The following GABRA3 variants were observed in gnomAD, a reference collection of about 807,000 sequenced individuals.
GABRA3 encodes the protein gamma-aminobutyric acid receptor subunit alpha-3.
A neutral mutation model predicts 30.1 loss-of-function variants in GABRA3; 10 were observed. The observed-to-expected ratio is 0.33, with a 90% CI of 0.20 to 0.56. The LOEUF (loss-of-function observed/expected upper bound fraction) is 0.56. Among genes scored for constraint, GABRA3 ranks in the 20% least tolerant of loss-of-function variants. The pLI is 0.89. For missense variants in GABRA3, 233 were observed against 392.0 expected, an observed-to-expected ratio of 0.59 and a Z score of 3.42; for synonymous variants, 151 against 146.8, an observed-to-expected ratio of 1.03 and a Z score of -0.21.
chrX:152,308,279 C>T (rs1298195824), intron 3 of GABRA3, among the ~76,000 whole-genome samples: 1 of 112,960 alleles, frequency 8.9e-6, no homozygotes, highest in Non-Finnish European at 1.9e-5. Flanking sequence ...CATCCTTCCA[C>T]TGCTTTGCTG....
At chrX:152,345,559 C>T (rs1011255029) in intron 3 of GABRA3, 22 bp downstream of exon 3, 1 of 1,190,645 alleles carries the variant, frequency 8.4e-7, no homozygotes, top group Non-Finnish European at 1.1e-6. Context: ...AAAAGGACTT[C>T]AAAGATCTTA....
At chrX:152,306,586 T>A (rs756853315) in intron 3 of GABRA3, among the ~76,000 whole-genome samples, 1 of 111,634 alleles carries the variant, frequency 9.0e-6, no homozygotes, top group Non-Finnish European at 1.9e-5. Context: ...GCCAAGCTGG[T>A]CTAGGCAGAT....
intron 3 of GABRA3, among the ~76,000 whole-genome samples, chrX:152,343,611 TCA>T (rs1940347676): frequency 9.0e-6 from 1 of 110,957 alleles, no homozygotes; most frequent in Admixed American, 9.7e-5. Flanking sequence ...TTCTCTCCAT[TCA>T]CACAGTCATT....
intron 7 of GABRA3, among the ~76,000 whole-genome samples, chrX:152,205,097 A>G (rs1937520653): frequency 9.0e-6 from 1 of 111,365 alleles, no homozygotes; most frequent in African/African-American, 3.3e-5. Context: ...CTGCAGTATG[A>G]CCTTATCTTA....
chrX:152,366,344 C>A (rs1206034080), intron 1 of GABRA3, among the ~76,000 whole-genome samples: 1 of 111,869 alleles, frequency 8.9e-6, no homozygotes. Context: ...GAACATAAGA[C>A]ATAGCCATGA....
intron 8 of GABRA3, among the ~76,000 whole-genome samples, chrX:152,194,619 G>C (rs1444814440): frequency 9.0e-6 from 1 of 111,500 alleles, no homozygotes; most frequent in African/African-American, 3.3e-5. Flanking sequence ...CACAGATATT[G>C]CCTTATATTT....
chrX:152,336,360 G>C (rs967026904), intron 3 of GABRA3, among the ~76,000 whole-genome samples: 3 of 111,612 alleles, frequency 2.7e-5, no homozygotes, highest in African/African-American at 9.8e-5. Flanking sequence ...TATGTAGCTT[G>C]GATCGTGTAC....
At chrX:152,427,394 GC>G (rs1368949275) in intron 1 of GABRA3, among the ~76,000 whole-genome samples, 1 of 111,268 alleles carries the variant, frequency 9.0e-6, no homozygotes, top group Non-Finnish European at 1.9e-5. Context: ...CATTATCAGG[GC>G]CTTCATGCAA....
At position 152,385,672 on chromosome X, in the gene GABRA3, C is replaced by G. The variant is rs1270840383; in HGVS notation, c.-26-21076G>C. ...TTAGACATGAAGTCCTTGCCCATGCCTATGTCCTGAATGGTAATGCCTAGG... is the reference window on the plus strand; with the variant it reads ...TTAGACATGAAGTCCTTGCCCATGCGTATGTCCTGAATGGTAATGCCTAGG... On this transcript the variant is annotated intron_variant, in intron 1 of 9. Coordinates refer to ENST00000370314, the MANE Select transcript of GABRA3 (RefSeq NM_000808.4). Among the ~76,000 whole-genome samples the G allele has an allele frequency of 2.7e-5, 3 of 111,753 alleles. No individual in the cohort carries two copies. In the South Asian group the frequency reaches 1.1e-3, roughly 42 times the overall value.
rs1258676824 is a variant in GABRA3, at chrX:152,168,540, T to C, written c.1167A>G (p.Ala389=). The change falls in exon 10 of 10, where the codon GCA becomes GCG. Residue 389 remains alanine, a synonymous_variant. Transcript: ENST00000370314. ...TGTTGAAGGTAGTGCTGGTTTTCTT[T>C]GCTGGGGCTGCTGGTGTTTTCTTCT... ...EMKKKTPAAP[A]KKTSTTFNIV... The C allele has an allele frequency of 1.7e-6, 2 of 1,206,897 alleles. No individual in the cohort carries two copies. The highest frequency in any genetic ancestry group is 2.2e-6 in the Non-Finnish European group (2 of 891,664).
intron 5 of GABRA3, among the ~76,000 whole-genome samples, chrX:152,249,614 C>A (rs752448636): frequency 1.8e-5 from 2 of 110,354 alleles, no homozygotes; most frequent in Admixed American, 1.9e-4. Flanking sequence ...TTTCTTCCTC[C>A]GCAATAAAGT....
intron 1 of GABRA3, among the ~76,000 whole-genome samples, chrX:152,444,748 G>GTT (rs1569426323): frequency 1.9e-4 from 9 of 47,725 alleles, no homozygotes; most frequent in Non-Finnish European, 3.0e-4. Context: ...TTTTTTTTTT[G>GTT]TTTTTTTTTG....
At chrX:152,170,952 A>G (rs1936995391) in intron 9 of GABRA3, among the ~76,000 whole-genome samples, 1 of 112,107 alleles carries the variant, frequency 8.9e-6, no homozygotes, top group Non-Finnish European at 1.9e-5. Flanking sequence ...AAAACCTTGT[A>G]AATTATTTAA....
intron 1 of GABRA3, among the ~76,000 whole-genome samples, chrX:152,399,844 C>T (rs1056465214): frequency 2.7e-5 from 3 of 111,705 alleles, no homozygotes; most frequent in African/African-American, 9.8e-5. Context: ...CTGCAAAACT[C>T]TACAGGAATA....
intron 3 of GABRA3, among the ~76,000 whole-genome samples, chrX:152,321,650 T>A (rs945996909): frequency 6.3e-5 from 7 of 111,749 alleles, no homozygotes; most frequent in Admixed American, 5.7e-4. Flanking sequence ...TGAAACAAAG[T>A]AGTAACAAAA....
chrX:152,440,543 C>G (rs930667984), intron 1 of GABRA3, among the ~76,000 whole-genome samples: 1 of 112,278 alleles, frequency 8.9e-6, no homozygotes, highest in African/African-American at 3.2e-5. Flanking sequence ...GATTTTAAAT[C>G]ATGCTACTAT....
intron 1 of GABRA3, among the ~76,000 whole-genome samples, chrX:152,391,432 C>T (rs1929479462): frequency 9.0e-6 from 1 of 111,159 alleles, no homozygotes; most frequent in African/African-American, 3.3e-5. Flanking sequence ...CAGATGATCA[C>T]AATATATAAT....
chrX:152,397,763 T>C (rs994840863), intron 1 of GABRA3, among the ~76,000 whole-genome samples: 1 of 112,033 alleles, frequency 8.9e-6, no homozygotes, highest in Admixed American at 9.5e-5. Context: ...TTATTATGTC[T>C]CTTCAACTTC....
chrX:152,308,413 A>G (rs1288764141), intron 3 of GABRA3, among the ~76,000 whole-genome samples: 1 of 112,347 alleles, frequency 8.9e-6, no homozygotes, highest in Non-Finnish European at 1.9e-5. Flanking sequence ...TATTGCTGGC[A>G]GATCAGGAAC....
Sources: allele counts gnomAD v4.1 joint callset (sites outside exome capture counted in the v4.1 genomes callset), GRCh38; gene constraint gnomAD v4.1.1; transcripts MANE v1.5; gene names NCBI Gene and HGNC (gene_info 2026-07-23, HGNC 2026-07-21).